The following OSTN variants were observed in gnomAD, a reference collection of about 807,000 sequenced individuals.
The protein encoded by OSTN is osteocrin.
A neutral mutation model predicts 12.0 loss-of-function variants in OSTN; 9 were observed. The observed-to-expected ratio is 0.75, with a 90% CI of 0.45 to 1.30. The LOEUF (loss-of-function observed/expected upper bound fraction) is 1.30, where lower values mean the gene tolerates loss of function less well. OSTN is among the 50% of genes most tolerant of loss of function. The pLI is 0.00. For synonymous variants in OSTN, 59 were observed against 56.9 expected (o/e 1.04, Z -0.16); for missense variants, 148 against 152.3 (o/e 0.97, Z 0.15).
intron 3 of OSTN, among the ~76,000 whole-genome samples, chr3:191,249,612 T>C (rs954258561): frequency 5.3e-5 from 8 of 152,172 alleles, no homozygotes; most frequent in African/African-American, 1.9e-4. Flanking sequence ...CCCACCATCA[T>C]CCTTCTTTAG....
At chr3:191,212,152 ACTTACGCTCTAATGC>A (rs1224690346) in intron 1 of OSTN, among the ~76,000 whole-genome samples, 1 of 152,216 alleles carries the variant, frequency 6.6e-6, no homozygotes, top group African/African-American at 2.4e-5. Flanking sequence ...ACCAATCAGG[ACTTACGCTCTAATGC>A]CTTACCACTG....
intron 2 of OSTN, among the ~76,000 whole-genome samples, chr3:191,218,352 T>G (rs1489414571): frequency 6.6e-6 from 1 of 152,228 alleles, no homozygotes; most frequent in Non-Finnish European, 1.5e-5. Flanking sequence ...CCAGGTGTTG[T>G]GGCTCACACC....
At chr3:191,242,137 A>C (rs1715334385) in intron 3 of OSTN, among the ~76,000 whole-genome samples, 1 of 152,242 alleles carries the variant, frequency 6.6e-6, no homozygotes, top group Non-Finnish European at 1.5e-5. Context: ...ATTCAGAAAA[A>C]GCATTCAATA....
At chr3:191,199,958 T>G (rs751235282) in intron 1 of OSTN, among the ~76,000 whole-genome samples, 3 of 152,112 alleles carry the variant, frequency 2.0e-5, no homozygotes, top group Non-Finnish European at 4.4e-5. Flanking sequence ...AATTTAAAAT[T>G]TTATTTCAGG....
chr3:191,215,292 A>G (rs1376356303), intron 2 of OSTN, among the ~76,000 whole-genome samples: 4 of 152,170 alleles, frequency 2.6e-5, no homozygotes, highest in African/African-American at 9.7e-5. Flanking sequence ...CTCTCCTTTG[A>G]CATGTGGGGA....
At chr3:191,231,443 CT>C (rs939418018) in intron 3 of OSTN, among the ~76,000 whole-genome samples, 3 of 151,808 alleles carry the variant, frequency 2.0e-5, no homozygotes, top group African/African-American at 7.3e-5. Context: ...ATTTTGCAAA[CT>C]TTTCATAAAA....
chr3:191,225,542 A>T (rs1012532104), intron 3 of OSTN, among the ~76,000 whole-genome samples: 6 of 152,142 alleles, frequency 3.9e-5, no homozygotes, highest in Non-Finnish European at 5.9e-5. Context: ...TTATTGCAGC[A>T]CTATACACAA....
chr3:191,252,202 G>T (rs1225080625), intron 4 of OSTN, among the ~76,000 whole-genome samples: 11 of 152,180 alleles, frequency 7.2e-5, no homozygotes, highest in Non-Finnish European at 1.5e-5. Flanking sequence ...TGGGACTACA[G>T]GCGTGCGCCA....
chr3:191,208,224 G>T (rs1326331719), intron 1 of OSTN, among the ~76,000 whole-genome samples: 2 of 152,138 alleles, frequency 1.3e-5, no homozygotes, highest in Non-Finnish European at 2.9e-5. Flanking sequence ...CTGTGATCTA[G>T]AGTATACATG....
chr3:191,211,273 GT>G, intron 1 of OSTN, among the ~76,000 whole-genome samples: 1 of 149,470 alleles, frequency 6.7e-6, no homozygotes, highest in East Asian at 1.9e-4. Context: ...CCACAAAACT[GT>G]TTTTTTGAAA....
In OSTN at chr3:191,239,062, A is replaced by T. The variant is rs984460975; in HGVS notation, c.318-10975A>T. Reference sequence around the variant, plus strand: ...CTCTCTGCCTTATACGATAAACTCTATATTACTGGTGAGGGTGTCCAGGTT... The same window carrying T: ...CTCTCTGCCTTATACGATAAACTCTTTATTACTGGTGAGGGTGTCCAGGTT... On this transcript the variant is annotated intron_variant, in intron 3 of 4. Coordinates refer to ENST00000682035, the MANE Select transcript of OSTN (RefSeq NM_198184.2). 2.0e-5 allele frequency among the ~76,000 whole-genome samples: 3 copies of T among 152,358 alleles called. No homozygotes were observed. In the East Asian group the frequency reaches 5.8e-4, roughly 29 times the overall value.
chr3:191,216,040 G>C (rs528042829), intron 2 of OSTN, among the ~76,000 whole-genome samples: 15 of 152,298 alleles, frequency 9.8e-5, no homozygotes, highest in African/African-American at 3.6e-4. Context: ...ATTTCTGCCT[G>C]TACATCCAGG....
At chr3:191,220,439 A>T (rs1176517165) in intron 3 of OSTN, among the ~76,000 whole-genome samples, 1 of 152,208 alleles carries the variant, frequency 6.6e-6, no homozygotes, top group East Asian at 1.9e-4. Context: ...TACCTCAAAA[A>T]AAATCACATA....
intron 1 of OSTN, among the ~76,000 whole-genome samples, chr3:191,208,512 T>G (rs1030666449): frequency 6.6e-6 from 1 of 152,256 alleles, no homozygotes; most frequent in African/African-American, 2.4e-5. Flanking sequence ...GTATTTAAAC[T>G]CAGCATTTAT....
At chr3:191,207,901 G>T (rs1249350929) in intron 1 of OSTN, among the ~76,000 whole-genome samples, 1 of 152,110 alleles carries the variant, frequency 6.6e-6, no homozygotes, top group African/African-American at 2.4e-5. Flanking sequence ...TCAGGGTATA[G>T]TCAATTCTTA....
intron 1 of OSTN, among the ~76,000 whole-genome samples, chr3:191,207,387 G>GTT (rs35631602): frequency 2.5e-4 from 38 of 149,532 alleles, no homozygotes; most frequent in Non-Finnish European, 4.6e-4. Flanking sequence ...CACCTGAGTT[G>GTT]TTTTTTTTTT....
chr3:191,244,157 A>G (rs1250470368), intron 3 of OSTN, among the ~76,000 whole-genome samples: 1 of 152,150 alleles, frequency 6.6e-6, no homozygotes, highest in Non-Finnish European at 1.5e-5. Flanking sequence ...TTCTCAATAA[A>G]AAGTTTAAAA....
rs558428398 is a variant in OSTN at position 191,263,855 on chromosome 3, G to A, written c.*1002G>A. 1.1e-4 allele frequency: 17 copies of A among 152,064 alleles called. No individual in the cohort carries two copies. The South Asian group carries it at 1.5e-3, about 13-fold the overall frequency. 9.4% of individuals were successfully genotyped at this position (152,064 alleles called of 1,614,324 possible). ...ATGACTTATTAAAACATAAGTTTTC[G>A]TATTGTAGAAAACTCAGTTCTCAGT... On this transcript the variant is annotated 3_prime_UTR_variant, in exon 5 of 5. Transcript: ENST00000682035.
At chr3:191,206,746 C>T (rs1036758551) in intron 1 of OSTN, among the ~76,000 whole-genome samples, 6 of 152,320 alleles carry the variant, frequency 3.9e-5, no homozygotes, top group South Asian at 2.1e-4. Context: ...CTGAGTCTCA[C>T]GACTCTTGCA....
Sources: gnomAD v4.1 joint callset for allele counts (sites outside exome capture counted in the v4.1 genomes callset) on GRCh38, gnomAD v4.1.1 for gene constraint, MANE v1.5 for transcripts, NCBI Gene and HGNC (gene_info 2026-07-23, HGNC 2026-07-21) for gene names.